SMYD3: variants seen among roughly 807,000 people sequenced by gnomAD.
SMYD3 encodes the protein histone-lysine N-methyltransferase SMYD3.
A neutral mutation model predicts 57.7 loss-of-function variants in SMYD3; 36 were observed. The ratio of observed to expected loss-of-function variants is 0.62; its 90% confidence interval spans 0.48 to 0.82. SMYD3 has a LOEUF of 0.82. Ranked by LOEUF, SMYD3 falls within the 40% of genes least tolerant of loss-of-function variation. The pLI, the probability that SMYD3 is intolerant of heterozygous loss-of-function variation, is 0.00. For missense variants in SMYD3, 515 were observed against 538.8 expected (o/e 0.96, Z 0.44); for synonymous variants, 211 against 195.0 (o/e 1.08, Z -0.68).
intron 5 of SMYD3, among the ~76,000 whole-genome samples, chr1:246,009,872 T>C (rs914053753): frequency 1.1e-4 from 14 of 131,244 alleles, no homozygotes; most frequent in Non-Finnish European, 1.9e-4. Context: ...TGCAGTGGCG[T>C]GATCTCGGCT....
intron 5 of SMYD3, among the ~76,000 whole-genome samples, chr1:246,120,602 G>A (rs1367831353): frequency 6.6e-6 from 1 of 152,154 alleles, no homozygotes; most frequent in African/African-American, 2.4e-5. Flanking sequence ...AGTTCAGGGA[G>A]TATGTTGTGT....
chr1:245,837,026 C>T (rs754591363), intron 10 of SMYD3, among the ~76,000 whole-genome samples: 19 of 152,096 alleles, frequency 1.2e-4, no homozygotes, highest in African/African-American at 3.9e-4. Context: ...ACCTAAGACA[C>T]GGCATCGTCA....
At chr1:246,421,645 T>C (rs1024310976) in intron 1 of SMYD3, among the ~76,000 whole-genome samples, 14 of 152,204 alleles carry the variant, frequency 9.2e-5, no homozygotes, top group African/African-American at 3.4e-4. Context: ...TTCAGAGGTA[T>C]TTGAAAATAA....
At chr1:245,875,216 T>C (rs1445480409) in intron 8 of SMYD3, among the ~76,000 whole-genome samples, 1 of 152,228 alleles carries the variant, frequency 6.6e-6, no homozygotes, top group Non-Finnish European at 1.5e-5. Context: ...CTCCATTCTC[T>C]TGTAACCGTC....
chr1:245,784,672 C>T lies in SMYD3; in HGVS notation c.1077-20523G>A, dbSNP rs1431242180. On this transcript the variant is annotated intron_variant, in intron 10 of 11. Transcript: ENST00000490107. ...AGCTTGGTTCTAAGAGGGAATGTCACAAGAATGACCTTTCTGGAAAGCCAA... is the reference window on the plus strand; with the variant it reads ...AGCTTGGTTCTAAGAGGGAATGTCATAAGAATGACCTTTCTGGAAAGCCAA... 2.0e-5 allele frequency among the ~76,000 whole-genome samples: 3 copies of T among 152,180 alleles called. No homozygotes were observed. In the East Asian group the frequency reaches 5.8e-4, roughly 30 times the overall value.
chr1:246,013,528 A>G (rs1489375329), intron 5 of SMYD3, among the ~76,000 whole-genome samples: 3 of 152,186 alleles, frequency 2.0e-5, no homozygotes, highest in Non-Finnish European at 4.4e-5. Context: ...TCTAGCCTAT[A>G]ATGTAACAGT....
chr1:246,486,168 ATTG>A (rs1196042923), intron 1 of SMYD3, among the ~76,000 whole-genome samples: 2 of 152,152 alleles, frequency 1.3e-5, no homozygotes, highest in African/African-American at 4.8e-5. Flanking sequence ...TGTTTTTATT[ATTG>A]TTGTTAACCC....
intron 8 of SMYD3, among the ~76,000 whole-genome samples, chr1:245,872,822 A>G (rs934439250): frequency 1.3e-5 from 2 of 152,240 alleles, no homozygotes; most frequent in Non-Finnish European, 2.9e-5. Flanking sequence ...AATTGCCAGA[A>G]GGAAGGGGAT....
chr1:246,246,247 C>T (rs1410806289), intron 5 of SMYD3, among the ~76,000 whole-genome samples: 1 of 152,272 alleles, frequency 6.6e-6, no homozygotes, highest in Non-Finnish European at 1.5e-5. Context: ...CCCTTTACTA[C>T]CTAACTTTTG....
chr1:245,883,058 T>A (rs1360968360), intron 8 of SMYD3, among the ~76,000 whole-genome samples: 1 of 152,166 alleles, frequency 6.6e-6, no homozygotes, highest in African/African-American at 2.4e-5. Context: ...TAATTGACAA[T>A]ATTAGCAATT....
intron 2 of SMYD3, among the ~76,000 whole-genome samples, chr1:246,337,226 A>ATT (rs148069818): frequency 0.017 from 2,611 of 152,306 alleles, 45 homozygotes; most frequent in Non-Finnish European, 0.027. Context: ...TAAAAACACA[A>ATT]TATCATGTTG....
At chr1:245,936,395 G>A (rs148251441) in intron 5 of SMYD3, among the ~76,000 whole-genome samples, 159 of 151,020 alleles carry the variant, frequency 1.1e-3, no homozygotes, top group African/African-American at 3.3e-3. Flanking sequence ...TGAAGACCAC[G>A]AAAGTCCCCA....
chr1:245,839,412 G>A (rs577073153), intron 10 of SMYD3, among the ~76,000 whole-genome samples: 132 of 151,638 alleles, frequency 8.7e-4, no homozygotes, highest in South Asian at 1.0e-3. Flanking sequence ...CTCGTGATCC[G>A]CCCACCTCGG....
chr1:245,987,061 C>A (rs1374175620), intron 5 of SMYD3, among the ~76,000 whole-genome samples: 1 of 152,128 alleles, frequency 6.6e-6, no homozygotes, highest in Non-Finnish European at 1.5e-5. Flanking sequence ...CAGATCCATG[C>A]GAGATAAAAC....
chr1:246,447,820 C>A (rs2067571348), intron 1 of SMYD3, among the ~76,000 whole-genome samples: 1 of 152,166 alleles, frequency 6.6e-6, no homozygotes, highest in East Asian at 1.9e-4. Flanking sequence ...TCACTTCCAG[C>A]TTTTTAAGAG....
intron 5 of SMYD3, among the ~76,000 whole-genome samples, chr1:246,146,847 T>C (rs1436756505): frequency 6.6e-6 from 1 of 152,078 alleles, no homozygotes; most frequent in Admixed American, 6.6e-5. Flanking sequence ...GCTGAAAATT[T>C]CAAGAACTCT....
At chr1:246,228,909 G>T (rs1251320314) in intron 5 of SMYD3, among the ~76,000 whole-genome samples, 2 of 151,992 alleles carry the variant, frequency 1.3e-5, no homozygotes, top group African/African-American at 4.8e-5. Flanking sequence ...ACATCTTTGG[G>T]ATGACAAAAC....
At chr1:246,280,210 T>C (rs1770020) in intron 5 of SMYD3, among the ~76,000 whole-genome samples, 56,372 of 152,124 alleles carry the variant, frequency 0.37, 11,301 homozygotes, top group East Asian at 0.79. Flanking sequence ...ACATTTCATA[T>C]GCAAGCTATA....
At chr1:245,765,810 A>C (rs530202940) in intron 10 of SMYD3, among the ~76,000 whole-genome samples, 17 of 152,202 alleles carry the variant, frequency 1.1e-4, no homozygotes, top group Admixed American at 4.6e-4. Flanking sequence ...TCCATCACTC[A>C]CGCAGGGCCT....
Sources: gnomAD v4.1 joint callset for allele counts (sites outside exome capture counted in the v4.1 genomes callset) on GRCh38, gnomAD v4.1.1 for gene constraint, MANE v1.5 for transcripts, NCBI Gene and HGNC (gene_info 2026-07-23, HGNC 2026-07-21) for gene names.